Variants in PLEKHH2 observed in about 807,000 individuals in gnomAD.
The protein encoded by PLEKHH2 is pleckstrin homology, MyTH4 and FERM domain containing H2, also known as pleckstrin homology domain-containing family H member 2.
A neutral mutation model predicts 187.9 loss-of-function variants in PLEKHH2; 129 were observed. That is an observed-to-expected ratio of 0.69 (90% CI 0.59 to 0.79). PLEKHH2 has a LOEUF of 0.79. Ranked by LOEUF, PLEKHH2 falls within the 30% of genes least tolerant of loss-of-function variation. The probability of loss-of-function intolerance (pLI) is 0.00; values close to 1 mark genes in which losing one functional copy is unlikely to be tolerated. For synonymous variants in PLEKHH2, 686 were observed against 605.6 expected (o/e 1.13, Z -1.95); for missense variants, 2,076 against 1,751.2 (o/e 1.19, Z -3.31).
intron 19 of PLEKHH2, among the ~76,000 whole-genome samples, chr2:43,734,649 G>A (rs1028473873): frequency 6.6e-6 from 1 of 152,204 alleles, no homozygotes; most frequent in Non-Finnish European, 1.5e-5. Flanking sequence ...TACACCATCG[G>A]TGGGAATGTA....
chr2:43,735,189 C>CA (rs1201439342), intron 19 of PLEKHH2, among the ~76,000 whole-genome samples: 12 of 147,780 alleles, frequency 8.1e-5, no homozygotes, highest in Non-Finnish European at 1.6e-4. Context: ...GACTCTGTCT[C>CA]AAAAAAAAGA....
At chr2:43,734,643 C>T (rs1021688227) in intron 19 of PLEKHH2, among the ~76,000 whole-genome samples, 2 of 152,206 alleles carry the variant, frequency 1.3e-5, no homozygotes, top group Admixed American at 1.3e-4. Flanking sequence ...AACTCATACA[C>T]CATCGGTGGG....
intron 2 of PLEKHH2, 103 bp downstream of exon 2, chr2:43,644,899 G>T: frequency 7.9e-7 from 1 of 1,264,432 alleles, no homozygotes; most frequent in Non-Finnish European, 1.1e-6. Context: ...TTTAATTTTT[G>T]TCAAGTATTT....
intron 15 of PLEKHH2, 82 bp downstream of exon 15, chr2:43,712,465 T>C (rs1008351911): frequency 1.9e-5 from 28 of 1,451,864 alleles, no homozygotes; most frequent in Non-Finnish European, 2.5e-5. Context: ...TGTCAGAGCA[T>C]ATACATATAT....
intron 14 of PLEKHH2, chr2:43,711,564 T>G (rs1000817451): frequency 3.6e-5 from 35 of 975,426 alleles, no homozygotes; most frequent in Non-Finnish European, 4.3e-5. Flanking sequence ...GCTATTTTAT[T>G]ATAGTCTTTA....
chr2:43,747,686 CA>C, intron 24 of PLEKHH2, among the ~76,000 whole-genome samples: 1 of 152,252 alleles, frequency 6.6e-6, no homozygotes, highest in Middle Eastern at 3.4e-3. Flanking sequence ...TTAATTATAA[CA>C]AAATAATGGT....
At chr2:43,743,699 G>C in intron 22 of PLEKHH2, 135 bp from the exon 23 acceptor site, 1 of 847,632 alleles carries the variant, frequency 1.2e-6, no homozygotes, top group Non-Finnish European at 1.6e-6. Flanking sequence ...AGGAGCTTTG[G>C]GAAAAAAAGT....
intron 29 of PLEKHH2, among the ~76,000 whole-genome samples, chr2:43,764,593 C>T (rs1047245082): frequency 3.3e-5 from 5 of 152,126 alleles, no homozygotes; most frequent in African/African-American, 7.2e-5. Flanking sequence ...GTAACATACT[C>T]CCTACTTCTT....
Position 43,697,363 on chromosome 2 carries a change from A to C in PLEKHH2, c.688+7A>C. 1.2e-6 allele frequency: 2 copies of C among 1,601,998 alleles called. No homozygotes were observed. The highest frequency in any genetic ancestry group is 1.7e-6 in the Non-Finnish European group (2 of 1,172,990). ...GAAGGAAAAGACATGGAAGGTATTT[A>C]TGAACTACAGGAATTGACTTTGGCA... On this transcript the variant is annotated splice_region_variant and intron_variant, in intron 7 of 29. Transcript: ENST00000282406.
At chr2:43,660,122 T>C (rs1666991920) in intron 2 of PLEKHH2, among the ~76,000 whole-genome samples, 1 of 152,220 alleles carries the variant, frequency 6.6e-6, no homozygotes, top group East Asian at 1.9e-4. Flanking sequence ...TAGAGCATCA[T>C]ATAGTATGAC....
At chr2:43,699,045 T>C (rs1436106505) in intron 7 of PLEKHH2, among the ~76,000 whole-genome samples, 1 of 152,210 alleles carries the variant, frequency 6.6e-6, no homozygotes, top group Non-Finnish European at 1.5e-5. Context: ...TGCTTAAATT[T>C]ACTTCATTAT....
At chr2:43,693,568 C>A (rs1027514165) in intron 4 of PLEKHH2, among the ~76,000 whole-genome samples, 1 of 151,612 alleles carries the variant, frequency 6.6e-6, no homozygotes, top group African/African-American at 2.4e-5. Context: ...GCTAAAAGTA[C>A]AAAAAATTAG....
chr2:43,720,633 G>A, intron 15 of PLEKHH2, 36 bp from the exon 16 acceptor site: 1 of 1,603,750 alleles, frequency 6.2e-7, no homozygotes, highest in Non-Finnish European at 8.5e-7. Flanking sequence ...TCAGAGTTCT[G>A]GGCTAAACTT....
Position 43,648,560 on chromosome 2 carries a change from C to CGTGTGTGT in PLEKHH2, c.123+3798_123+3805dup, listed in dbSNP as rs71410194. ...GAGGTGACCTAAATGTAATTACATT[C>CGTGTGTGT]GTGTGTGTGTGTGTGTGTGTGTGTG... On this transcript the variant is annotated intron_variant, in intron 2 of 29. Transcript: ENST00000282406. Among the ~76,000 whole-genome samples the CGTGTGTGT allele has an allele frequency of 6.3e-3, 864 of 137,934 alleles. 4 individuals carry two copies. The highest frequency in any genetic ancestry group is 0.018 in the East Asian group (79 of 4,422). 90.5% of individuals were successfully genotyped at this position (137,934 alleles called of 152,430 possible). A position where few individuals can be genotyped will look rare whatever the true frequency, so the allele number is the denominator to read the frequency against.
chr2:43,684,817 A>T (rs1484229977), intron 3 of PLEKHH2, among the ~76,000 whole-genome samples: 1 of 135,626 alleles, frequency 7.4e-6, no homozygotes, highest in Admixed American at 7.1e-5. Flanking sequence ...TACTCCCATT[A>T]CCAAAAAAAA....
chr2:43,700,643 A>G (rs1572579886), intron 8 of PLEKHH2, 35 bp downstream of exon 8: 3 of 1,555,162 alleles, frequency 1.9e-6, no homozygotes, highest in Non-Finnish European at 2.6e-6. Context: ...CATACGCAGT[A>G]GTTTTTTTCT....
At position 43,759,094 on chromosome 2, in the gene PLEKHH2, C is replaced by A. The variant is rs1053981670; in HGVS notation, c.4071+65C>A. 6 of 1,519,674 alleles carry A rather than the reference C, an allele frequency of 3.9e-6. No individual in the cohort carries two copies. The African/African-American group carries it at 5.5e-5, about 14-fold the overall frequency. The allele number at this position is 1,519,674 out of a possible 1,614,324, so 94.1% of individuals were successfully genotyped here. On this transcript the variant is annotated intron_variant, in intron 27 of 29. Transcript: ENST00000282406. ...TGTGTACATAGTTGACCAGATTTACCCCAGACTTAGTATCCTTGGCTTTTG... is the reference window on the plus strand; with the variant it reads ...TGTGTACATAGTTGACCAGATTTACACCAGACTTAGTATCCTTGGCTTTTG...
intron 16 of PLEKHH2, among the ~76,000 whole-genome samples, chr2:43,722,326 C>T (rs972875776): frequency 1.3e-5 from 2 of 151,398 alleles, no homozygotes; most frequent in Non-Finnish European, 2.9e-5. Flanking sequence ...TTATAACTTA[C>T]ATAACTTTTA....
intron 14 of PLEKHH2, chr2:43,711,446 A>G: frequency 1.0e-6 from 1 of 974,060 alleles, no homozygotes; most frequent in Non-Finnish European, 1.2e-6. Flanking sequence ...ATCTAATCAC[A>G]TGTTCGTTCC....
Sources: allele counts gnomAD v4.1 joint callset (sites outside exome capture counted in the v4.1 genomes callset), GRCh38; gene constraint gnomAD v4.1.1; transcripts MANE v1.5; gene names NCBI Gene and HGNC (gene_info 2026-07-23, HGNC 2026-07-21).